The following CACNG3 variants were observed in gnomAD, a reference collection of about 807,000 sequenced individuals.
The protein encoded by CACNG3 is voltage-dependent calcium channel gamma-3 subunit.
Under a neutral mutation model 28.5 loss-of-function variants are expected in CACNG3, and 3 were observed. That is an observed-to-expected ratio of 0.11 (90% CI 0.05 to 0.27). The LOEUF is 0.27. Among genes scored for constraint, CACNG3 ranks in the 10% least tolerant of loss-of-function variants. The pLI is 1.00. For synonymous variants in CACNG3, 174 were observed against 162.2 expected, an observed-to-expected ratio of 1.07 and a Z score of -0.55; for missense variants, 236 against 414.4, an observed-to-expected ratio of 0.57 and a Z score of 3.74.
chr16:24,273,460 T>C (rs1346737359), intron 1 of CACNG3, among the ~76,000 whole-genome samples: 4 of 152,186 alleles, frequency 2.6e-5, no homozygotes, highest in Non-Finnish European at 5.9e-5. Flanking sequence ...AAAGTTCACA[T>C]TCCTCACTTC....
At chr16:24,291,537 G>A (rs1387418487) in intron 1 of CACNG3, among the ~76,000 whole-genome samples, 1 of 152,096 alleles carries the variant, frequency 6.6e-6, no homozygotes, top group Non-Finnish European at 1.5e-5. Context: ...AAGGACCTGG[G>A]GCTGAATGAA....
chr16:24,279,215 G>A (rs1898789328), intron 1 of CACNG3, among the ~76,000 whole-genome samples: 1 of 152,234 alleles, frequency 6.6e-6, no homozygotes, highest in Non-Finnish European at 1.5e-5. Context: ...TTAAAGATCT[G>A]ACGTAATCAG....
chr16:24,359,310 T>C (rs1900076195), intron 3 of CACNG3, among the ~76,000 whole-genome samples: 1 of 152,162 alleles, frequency 6.6e-6, no homozygotes, highest in South Asian at 2.1e-4. Context: ...TAAAAGAATA[T>C]GTCTTCCCTA....
chr16:24,340,661 T>C (rs1444309633), intron 1 of CACNG3, among the ~76,000 whole-genome samples: 1 of 152,182 alleles, frequency 6.6e-6, no homozygotes, highest in Non-Finnish European at 1.5e-5. Context: ...ATTAGTACAA[T>C]CTTCTCTCCC....
intron 1 of CACNG3, among the ~76,000 whole-genome samples, chr16:24,279,048 A>G (rs1395966650): frequency 6.6e-6 from 1 of 152,190 alleles, no homozygotes; most frequent in African/African-American, 2.4e-5. Flanking sequence ...AAGCCAAAAC[A>G]TACAGTAATG....
At chr16:24,270,006 C>T (rs1898666371) in intron 1 of CACNG3, among the ~76,000 whole-genome samples, 1 of 152,004 alleles carries the variant, frequency 6.6e-6, no homozygotes, top group Admixed American at 6.6e-5. Flanking sequence ...GCACAAATCC[C>T]ACAGACACTG....
Position 24,258,688 on chromosome 16 carries a change from T to A in CACNG3, c.211+1723T>A, listed in dbSNP as rs193005239. Among the ~76,000 whole-genome samples, 3 of 152,302 alleles carry A rather than the reference T, an allele frequency of 2.0e-5. No individual in the cohort carries two copies. The East Asian group carries it at 5.8e-4, about 29-fold the overall frequency. On this transcript the variant is annotated intron_variant, in intron 1 of 3. Coordinates refer to ENST00000005284, the MANE Select transcript of CACNG3 (RefSeq NM_006539.4). ...ATATTGGCTATAAGGAATTGAATTATCTTTTGTAAAACTGATTTGGTGGAT... is the reference window on the plus strand; with the variant it reads ...ATATTGGCTATAAGGAATTGAATTAACTTTTGTAAAACTGATTTGGTGGAT...
chr16:24,348,673 C>T (rs769791310), intron 2 of CACNG3, among the ~76,000 whole-genome samples: 32 of 152,182 alleles, frequency 2.1e-4, no homozygotes, highest in Non-Finnish European at 4.3e-4. Context: ...AAATTAGCCA[C>T]ACTTAGAGAT....
chr16:24,312,656 A>T (rs58753330), intron 1 of CACNG3, among the ~76,000 whole-genome samples: 46,237 of 150,088 alleles, frequency 0.31, 7,970 homozygotes, highest in South Asian at 0.46. Context: ...TCTCTTAAAA[A>T]TTTTTTTTTT....
At chr16:24,319,436 T>A (rs182437049) in intron 1 of CACNG3, among the ~76,000 whole-genome samples, 1 of 152,216 alleles carries the variant, frequency 6.6e-6, no homozygotes, top group East Asian at 1.9e-4. Flanking sequence ...TGTGTAAGGT[T>A]GCAATGGTCT....
intron 2 of CACNG3, among the ~76,000 whole-genome samples, chr16:24,347,958 C>T (rs1193790132): frequency 1.1e-4 from 16 of 152,286 alleles, no homozygotes; most frequent in Non-Finnish European, 2.2e-4. Flanking sequence ...AGTCAGGAGG[C>T]AATATGCATT....
chr16:24,263,800 T>A (rs1222408282), intron 1 of CACNG3, among the ~76,000 whole-genome samples: 8 of 152,270 alleles, frequency 5.3e-5, no homozygotes, highest in Non-Finnish European at 1.0e-4. Flanking sequence ...TGACCATTAG[T>A]TCTTGATTTA....
chr16:24,297,237 AATCCCATCTCT>A (rs1899043431), intron 1 of CACNG3, among the ~76,000 whole-genome samples: 1 of 127,116 alleles, frequency 7.9e-6, no homozygotes, highest in African/African-American at 4.0e-5. Flanking sequence ...AGCAGAGCAG[AATCCCATCTCT>A]AAAAATAAAA....
chr16:24,312,894 A>G (rs953154945), intron 1 of CACNG3, among the ~76,000 whole-genome samples: 1 of 140,984 alleles, frequency 7.1e-6, no homozygotes, highest in African/African-American at 2.6e-5. Context: ...AAGAAAGAAA[A>G]GGAAAGAAAG....
At chr16:24,332,211 G>T (rs1418597945) in intron 1 of CACNG3, among the ~76,000 whole-genome samples, 4 of 152,126 alleles carry the variant, frequency 2.6e-5, no homozygotes, top group Non-Finnish European at 5.9e-5. Context: ...GCCTATAATT[G>T]CAGCATTTTG....
At chr16:24,326,414 G>A (rs993923516) in intron 1 of CACNG3, among the ~76,000 whole-genome samples, 7 of 152,018 alleles carry the variant, frequency 4.6e-5, no homozygotes, top group African/African-American at 1.2e-4. Context: ...CAGGTGATCC[G>A]CCCGCCTCGG....
chr16:24,291,247 A>G (rs1354896413), intron 1 of CACNG3, among the ~76,000 whole-genome samples: 1 of 152,206 alleles, frequency 6.6e-6, no homozygotes, highest in African/African-American at 2.4e-5. Context: ...ACACACTGTG[A>G]GTCATCACTG....
intron 1 of CACNG3, among the ~76,000 whole-genome samples, chr16:24,275,533 G>A (rs569135563): frequency 8.5e-5 from 13 of 152,290 alleles, no homozygotes; most frequent in South Asian, 4.1e-4. Context: ...ACTGAGTTGC[G>A]AGCTGAACTA....
intron 1 of CACNG3, among the ~76,000 whole-genome samples, chr16:24,295,101 C>G (rs906693244): frequency 1.3e-5 from 2 of 152,162 alleles, no homozygotes; most frequent in African/African-American, 4.8e-5. Flanking sequence ...AAGTCCTAGA[C>G]CTCCACCTGC....
Sources: allele counts gnomAD v4.1 joint callset (sites outside exome capture counted in the v4.1 genomes callset), GRCh38; gene constraint gnomAD v4.1.1; transcripts MANE v1.5; gene names NCBI Gene and HGNC (gene_info 2026-07-23, HGNC 2026-07-21).